Variants in POTEH observed in about 807,000 individuals in gnomAD.
POTEH encodes the protein ANKRD26-like family C member 3.
POTEH carries 6 observed loss-of-function variants against 41.7 expected under a neutral mutation model. That is an observed-to-expected ratio of 0.14 (90% CI 0.08 to 0.28). POTEH has a LOEUF of 0.28. POTEH is among the 10% of genes least tolerant of loss of function. The probability of loss-of-function intolerance (pLI) is 1.00; values close to 1 mark genes in which losing one functional copy is unlikely to be tolerated. For synonymous variants in POTEH, 38 were observed against 179.9 expected (o/e 0.21, Z 6.31); for missense variants, 115 against 533.5 (o/e 0.22, Z 7.73).
intron 6 of POTEH, among the ~76,000 whole-genome samples, chr22:15,706,827 C>T (rs1472553669): frequency 1.3e-5 from 2 of 152,422 alleles, no homozygotes; most frequent in East Asian, 3.9e-4. Flanking sequence ...CTATTGTAGG[C>T]AAATACTTTC....
Position 15,690,936 on chromosome 22 carries a change from G to A in POTEH, c.632+227G>A, listed in dbSNP as rs78813892. ...AATCATAATTTCCTTCCTAGAACAC[G>A]AATAGACTGTTTTGAAGTGATTTAA... On this transcript the variant is annotated intron_variant, in intron 1 of 10. Transcript: ENST00000343518. 1.0e-4 allele frequency among the ~76,000 whole-genome samples: 13 copies of A among 129,274 alleles called. 1 individual carries two copies. The highest frequency in any genetic ancestry group is 1.4e-4 in the Non-Finnish European group (8 of 56,598). 84.8% of individuals were successfully genotyped at this position (129,274 alleles called of 152,430 possible). A position where few individuals can be genotyped will look rare whatever the true frequency, so the allele number is the denominator to read the frequency against.
At chr22:15,692,025 T>C (rs1172253011) in intron 1 of POTEH, among the ~76,000 whole-genome samples, 1 of 140,074 alleles carries the variant, frequency 7.1e-6, no homozygotes, top group Non-Finnish European at 1.6e-5. Flanking sequence ...TTTTTTTTTT[T>C]GATGGAGTCT....
intron 9 of POTEH, among the ~76,000 whole-genome samples, chr22:15,711,399 G>A (rs1435593516): frequency 6.6e-6 from 1 of 151,708 alleles, no homozygotes; most frequent in African/African-American, 2.4e-5. Context: ...TCTCCCTCCT[G>A]CCACTCTCCA....
chr22:15,691,763 A>G (rs1231999879), intron 1 of POTEH, among the ~76,000 whole-genome samples: 3 of 148,264 alleles, frequency 2.0e-5, no homozygotes, highest in African/African-American at 7.3e-5. Context: ...ATAAAACAGA[A>G]CAGGAAATTT....
intron 1 of POTEH, among the ~76,000 whole-genome samples, chr22:15,691,906 T>C (rs1398521715): frequency 3.4e-5 from 5 of 147,488 alleles, no homozygotes; most frequent in African/African-American, 9.8e-5. Context: ...AAAATCAGAG[T>C]ATAGATTAAA....
intron 3 of POTEH, among the ~76,000 whole-genome samples, chr22:15,696,322 A>G (rs1218284154): frequency 6.9e-6 from 1 of 144,494 alleles, no homozygotes; most frequent in Non-Finnish European, 1.5e-5. Context: ...AAAGGGAAAA[A>G]GAGAGCAGTC....
intron 8 of POTEH, among the ~76,000 whole-genome samples, chr22:15,710,186 A>G (rs1263108286): frequency 6.6e-6 from 1 of 152,236 alleles, no homozygotes; most frequent in Admixed American, 6.5e-5. Context: ...AGAAAATTTT[A>G]TGGCTATCGA....
intron 6 of POTEH, among the ~76,000 whole-genome samples, chr22:15,703,920 A>G (rs1339218252): frequency 7.1e-6 from 1 of 140,784 alleles, no homozygotes; most frequent in Admixed American, 7.4e-5. Context: ...ACAGATAACT[A>G]TCAAATGTCT....
Position 15,690,408 on chromosome 22 carries a change from G to A in POTEH, c.331G>A (p.Gly111Arg), listed in dbSNP as rs746449731. Reference protein sequence around the residue: ...WCCHCFPCCRGSGKSNVGTSG... With the variant: ...WCCHCFPCCRRSGKSNVGTSG... ...CTGCCACTGCTTCCCCTGCTGCAGG[G>A]GGAGCGGCAAGAGCAACGTGGGCAC... is the stretch of plus-strand genomic sequence containing the variant. The change falls in exon 1 of 11, where the codon GGG (glycine) becomes AGG (arginine). Residue 111 changes from glycine to arginine, a missense_variant. Gly to Arg is a moderately radical substitution (Grantham distance 125). Coordinates refer to ENST00000343518, the MANE Select transcript of POTEH (RefSeq NM_001136213.1). 2 of 1,396,084 alleles carry A rather than the reference G, an allele frequency of 1.4e-6. No homozygotes were observed. The highest frequency in any genetic ancestry group is 3.1e-5 in the African/African-American group (2 of 64,262). 86.5% of individuals were successfully genotyped at this position (1,396,084 alleles called of 1,614,324 possible).
At position 15,690,285 on chromosome 22, in the gene POTEH, C is replaced by T. The variant is rs200416250; in HGVS notation, c.208C>T (p.Pro70Ser). 100 of 1,411,864 alleles carry T rather than the reference C, an allele frequency of 7.1e-5. 3 individuals carry two copies. The African/African-American group carries it at 1.5e-3, about 21-fold the overall frequency. The allele number at this position is 1,411,864 out of a possible 1,614,324, so 87.5% of individuals were successfully genotyped here. A position where few individuals can be genotyped will look rare whatever the true frequency, so the allele number is the denominator to read the frequency against. ...KMGKWCCHCF[P>S]WCRGSGKSNV... is the part of the protein sequence containing the mutation. Reference sequence around the variant, plus strand: ...GGGCAAGTGGTGCTGCCACTGCTTCCCCTGGTGCAGGGGGAGCGGCAAGAG... The same window carrying T: ...GGGCAAGTGGTGCTGCCACTGCTTCTCCTGGTGCAGGGGGAGCGGCAAGAG... The change falls in exon 1 of 11, where the codon CCC becomes TCC. Residue 70 changes from proline (P) to serine (S), a missense_variant. Coordinates refer to ENST00000343518, the MANE Select transcript of POTEH (RefSeq NM_001136213.1).
intron 3 of POTEH, chr22:15,697,692 ATAT>A (rs1192015287): frequency 9.7e-6 from 3 of 307,992 alleles, no homozygotes; most frequent in African/African-American, 8.1e-5. Flanking sequence ...ATTAAAATGA[ATAT>A]TATTGGTAGT....
chr22:15,713,765 G>T (rs1450099495), intron 9 of POTEH, among the ~76,000 whole-genome samples: 1 of 152,304 alleles, frequency 6.6e-6, no homozygotes, highest in African/African-American at 2.4e-5. Context: ...CTCACGAAGT[G>T]TTGGGATTAC....
intron 9 of POTEH, among the ~76,000 whole-genome samples, chr22:15,712,680 T>G (rs1989846224): frequency 1.3e-5 from 1 of 77,920 alleles, no homozygotes; most frequent in Admixed American, 1.6e-4. Flanking sequence ...TCATATAATT[T>G]TAAAAACTTC....
intron 1 of POTEH, among the ~76,000 whole-genome samples, chr22:15,692,275 G>A (rs1275845525): frequency 2.3e-4 from 33 of 143,972 alleles, no homozygotes; most frequent in African/African-American, 7.5e-4. Flanking sequence ...AAAGTGCTGT[G>A]GTTACAGGCG....
chr22:15,705,353 C>CT (rs377062560), intron 6 of POTEH, among the ~76,000 whole-genome samples: 345 of 14,256 alleles, frequency 0.024, no homozygotes, highest in South Asian at 0.037. Flanking sequence ...ATATGTTGGC[C>CT]TTTTTTTTTT....
At chr22:15,700,707 CTGT>C (rs1989556274) in intron 5 of POTEH, 1 of 152,690 alleles carries the variant, frequency 6.5e-6, no homozygotes, top group Non-Finnish European at 1.4e-5. Flanking sequence ...TGCAATCATT[CTGT>C]TGTTTCCATT....
chr22:15,692,906 T>G (rs1207693562), intron 1 of POTEH, among the ~76,000 whole-genome samples: 1 of 126,590 alleles, frequency 7.9e-6, no homozygotes, highest in Non-Finnish European at 1.8e-5. Context: ...GTTATGCTTT[T>G]TACTCATCAG....
At chr22:15,692,197 G>A (rs1416281017) in intron 1 of POTEH, among the ~76,000 whole-genome samples, 3 of 135,216 alleles carry the variant, frequency 2.2e-5, no homozygotes, top group East Asian at 4.1e-4. Flanking sequence ...AGTAGAGATG[G>A]GGTTTCACCA....
intron 7 of POTEH, among the ~76,000 whole-genome samples, chr22:15,708,544 A>T (rs1989731287): frequency 4.0e-5 from 5 of 124,682 alleles, no homozygotes; most frequent in African/African-American, 6.7e-5. Flanking sequence ...AAAAAAAAAT[A>T]TTTTAATAGA....
Sources: gnomAD v4.1 joint callset for allele counts (sites outside exome capture counted in the v4.1 genomes callset) on GRCh38, gnomAD v4.1.1 for gene constraint, MANE v1.5 for transcripts, NCBI Gene and HGNC (gene_info 2026-07-23, HGNC 2026-07-21) for gene names.